Variants in PSME4 observed in about 807,000 individuals in gnomAD.
PSME4 encodes the protein proteasome activator subunit 4.
Under a neutral mutation model 253.9 loss-of-function variants are expected in PSME4, and 89 were observed. The ratio of observed to expected loss-of-function variants is 0.35; its 90% CI spans 0.30 to 0.42. PSME4 has a LOEUF of 0.42. PSME4 is among the 10% of genes least tolerant of loss of function. The probability of loss-of-function intolerance (pLI) is 1.00; values close to 1 mark genes in which losing one functional copy is unlikely to be tolerated. For synonymous variants in PSME4, 851 were observed against 759.2 expected (o/e 1.12, Z -1.99); for missense variants, 2,014 against 2,195.2 (o/e 0.92, Z 1.65).
intron 34 of PSME4, among the ~76,000 whole-genome samples, 166 bp from the exon 35 acceptor site, chr2:53,893,965 C>T (rs1456672763): frequency 6.6e-6 from 1 of 152,124 alleles, no homozygotes; most frequent in Non-Finnish European, 1.5e-5. Context: ...AACCAAGTAC[C>T]TCCCTCTAAA....
At chr2:53,958,405 CA>C (rs933783590) in intron 1 of PSME4, among the ~76,000 whole-genome samples, 57 of 151,506 alleles carry the variant, frequency 3.8e-4, no homozygotes, top group African/African-American at 1.3e-3. Context: ...AACTAAGCCA[CA>C]AAAAAAACCT....
Position 53,890,135 on chromosome 2 carries a change from T to C in PSME4, c.4265A>G (p.Asn1422Ser). ...ALSNITVETY[N>S]DWGACIATSC... ...TGTTGCTATACAAGCTCCCCAGTCA[T>C]TATAAGTTTCTACGGTAATATTGGA... is the stretch of plus-strand genomic sequence containing the variant. Residue 1422 changes from asparagine (N) to serine (S), a missense_variant, in exon 37 of 47, where the codon AAT becomes AGT. By Grantham distance (46) the Asn-to-Ser change is conservative. Around this residue, in one of 4 missense-constraint regions of PSME4, gnomAD observed 403 missense variants for 556.1 expected, o/e 0.72. Transcript: ENST00000404125. 3.7e-6 allele frequency: 6 copies of C among 1,613,894 alleles called. No individual in the cohort carries two copies. Among genetic ancestry groups the C allele is most frequent in the Non-Finnish European group, 5.1e-6 (6 of 1,179,840 alleles).
intron 1 of PSME4, among the ~76,000 whole-genome samples, chr2:53,966,270 C>G (rs1037303262): frequency 6.6e-6 from 1 of 152,020 alleles, no homozygotes; most frequent in Non-Finnish European, 1.5e-5. Context: ...GATGACAGAG[C>G]GAGACTCTGT....
chr2:53,969,783 G>C (rs1670951609), intron 1 of PSME4, among the ~76,000 whole-genome samples: 1 of 148,770 alleles, frequency 6.7e-6, no homozygotes. Flanking sequence ...CTCTTAATCT[G>C]AGTAACTCAA....
chr2:53,889,586 G>C (rs1679804382), intron 37 of PSME4, among the ~76,000 whole-genome samples: 1 of 152,128 alleles, frequency 6.6e-6, no homozygotes, highest in African/African-American at 2.4e-5. Context: ...AACTAAAACT[G>C]ATAGGTGACT....
intron 32 of PSME4, among the ~76,000 whole-genome samples, chr2:53,896,514 T>C (rs1680145352): frequency 6.6e-6 from 1 of 152,114 alleles, no homozygotes; most frequent in Non-Finnish European, 1.5e-5. Context: ...AAGAGAAACA[T>C]TTAACAAATT....
chr2:53,866,122 G>A lies in PSME4; in HGVS notation c.5499C>T (p.Thr1833=), dbSNP rs201977052. ...QFTDDQLLVL[T]DLLVSPCYYA is the part of the protein sequence containing the mutation. ...AATAGCATGGTGACACAAGAAGATC[G>A]GTGAGAACAAGCAGTTGGTCATCAG... Residue 1833 remains threonine (T), a synonymous_variant, in exon 46 of 47, where the codon ACC becomes ACT. Coordinates refer to ENST00000404125, the MANE Select transcript of PSME4 (RefSeq NM_014614.3). 20 of 1,613,096 alleles carry A rather than the reference G, an allele frequency of 1.2e-5. No individual in the cohort carries two copies. In the Admixed American group the frequency reaches 1.8e-4, roughly 15 times the overall value.
At chr2:53,928,333 C>A in intron 10 of PSME4, 30 bp from the exon 11 acceptor site, 1 of 1,564,138 alleles carries the variant, frequency 6.4e-7, no homozygotes, top group Non-Finnish European at 8.8e-7. Context: ...TTTTTAAAGT[C>A]TCCATCACAG....
chr2:53,943,717 C>G (rs186335891), intron 3 of PSME4, among the ~76,000 whole-genome samples: 1 of 151,770 alleles, frequency 6.6e-6, no homozygotes, highest in Non-Finnish European at 1.5e-5. Context: ...TGGCGCACAC[C>G]TGTAATCCCA....
chr2:53,889,884 A>AT (rs1385252421), intron 37 of PSME4, among the ~76,000 whole-genome samples: 1 of 152,358 alleles, frequency 6.6e-6, no homozygotes, highest in African/African-American at 2.4e-5. Flanking sequence ...CTCCAATTAC[A>AT]TAAGATGACA....
chr2:53,963,231 T>C (rs769354338), intron 1 of PSME4, among the ~76,000 whole-genome samples: 1 of 151,746 alleles, frequency 6.6e-6, no homozygotes, highest in Non-Finnish European at 1.5e-5. Flanking sequence ...GAGCCTGAGA[T>C]GGGAGGATCG....
chr2:53,927,628 T>G (rs1294359963), intron 11 of PSME4, 145 bp from the exon 12 acceptor site: 3 of 684,306 alleles, frequency 4.4e-6, no homozygotes, highest in Non-Finnish European at 7.7e-6. Context: ...CATTTAGAAT[T>G]GAACACTGTA....
intron 14 of PSME4, 70 bp from the exon 15 acceptor site, chr2:53,923,489 A>C (rs550850155): frequency 2.7e-6 from 4 of 1,456,710 alleles, no homozygotes; most frequent in Non-Finnish European, 3.6e-6. Context: ...ACATAAAAGA[A>C]AATGATAAAT....
At chr2:53,922,915 A>G in intron 16 of PSME4, 134 bp downstream of exon 16, 1 of 737,484 alleles carries the variant, frequency 1.4e-6, no homozygotes, top group Non-Finnish European at 2.1e-6. Context: ...TCTTTTTTGG[A>G]GACAAATTTT....
intron 14 of PSME4, among the ~76,000 whole-genome samples, chr2:53,923,733 G>A (rs1035275729): frequency 6.6e-6 from 1 of 151,864 alleles, no homozygotes; most frequent in Non-Finnish European, 1.5e-5. Context: ...GACCAGCCTG[G>A]CCAACATGGC....
chr2:53,943,273 T>C (rs1669538449), intron 3 of PSME4, among the ~76,000 whole-genome samples: 2 of 152,238 alleles, frequency 1.3e-5, no homozygotes, highest in Admixed American at 1.3e-4. Flanking sequence ...TGATGGACTA[T>C]TCTGTATATA....
At chr2:53,946,929 G>A (rs1184829884) in intron 3 of PSME4, among the ~76,000 whole-genome samples, 3 of 151,496 alleles carry the variant, frequency 2.0e-5, no homozygotes, top group Non-Finnish European at 4.4e-5. Flanking sequence ...AAGGAAGGAA[G>A]GAAGGGAGAG....
At chr2:53,940,952 C>CATATTTATATATATATATAT (rs61078234) in intron 3 of PSME4, among the ~76,000 whole-genome samples, 2 of 24,030 alleles carry the variant, frequency 8.3e-5, no homozygotes, top group African/African-American at 1.6e-4. Flanking sequence ...TATATATATA[C>CATATTTATATATATATATAT]ATATATATAT....
chr2:53,920,787 T>C, intron 18 of PSME4, 102 bp downstream of exon 18: 2 of 983,054 alleles, frequency 2.0e-6, no homozygotes, highest in South Asian at 3.0e-5. Context: ...TAATCTATCT[T>C]AAAAGTAAAA....
Sources: allele counts gnomAD v4.1 joint callset (sites outside exome capture counted in the v4.1 genomes callset), GRCh38; gene constraint gnomAD v4.1.1; regional missense constraint gnomAD v4.1.1; transcripts MANE v1.5; gene names NCBI Gene and HGNC (gene_info 2026-07-23, HGNC 2026-07-21).